The following EIF2B3 variants were observed in gnomAD, a reference collection of about 807,000 sequenced individuals.
EIF2B3 encodes eukaryotic translation initiation factor 2B subunit gamma, also known as translation initiation factor eIF2B subunit gamma.
In EIF2B3, 20 loss-of-function variants were observed where a neutral mutation model predicts 54.1. The observed-to-expected ratio is 0.37, with a 90% CI of 0.26 to 0.54. EIF2B3 has a LOEUF of 0.54. Among genes scored for constraint, EIF2B3 ranks in the 20% least tolerant of loss-of-function variants. EIF2B3 has a pLI of 0.86. For synonymous variants in EIF2B3, 153 were observed against 188.1 expected, an observed-to-expected ratio of 0.81 and a Z score of 1.52; for missense variants, 448 against 547.8, an observed-to-expected ratio of 0.82 and a Z score of 1.82.
chr1:44,863,326 T>C (rs527365438), intron 10 of EIF2B3, among the ~76,000 whole-genome samples: 1 of 152,334 alleles, frequency 6.6e-6, no homozygotes, highest in African/African-American at 2.4e-5. Flanking sequence ...CCTTCTAAGC[T>C]GGTCCAAGTA....
At chr1:44,859,642 GAGCAAAACTC>G (rs1654547131) in intron 10 of EIF2B3, among the ~76,000 whole-genome samples, 1 of 151,698 alleles carries the variant, frequency 6.6e-6, no homozygotes, top group Non-Finnish European at 1.5e-5. Flanking sequence ...TGGGCGACAA[GAGCAAAACTC>G]TATCTCCAAA....
At chr1:44,900,813 A>G (rs1427002998) in intron 5 of EIF2B3, among the ~76,000 whole-genome samples, 1 of 152,112 alleles carries the variant, frequency 6.6e-6, no homozygotes, top group Admixed American at 6.6e-5. Flanking sequence ...GCATTTCCCT[A>G]TGACATGATG....
At chr1:44,956,392 C>T (rs1315852651) in intron 3 of EIF2B3, among the ~76,000 whole-genome samples, 1 of 151,880 alleles carries the variant, frequency 6.6e-6, no homozygotes, top group Non-Finnish European at 1.5e-5. Context: ...AGAGGGATAG[C>T]ATTAGGAGAA....
chr1:44,897,122 C>T (rs1182281484), intron 6 of EIF2B3, among the ~76,000 whole-genome samples: 3 of 152,166 alleles, frequency 2.0e-5, no homozygotes, highest in African/African-American at 7.2e-5. Flanking sequence ...AAATATTTTG[C>T]TGATTTATTA....
chr1:44,986,133 CTTTTCTTTTTTT>C (rs1557719497), intron 1 of EIF2B3, among the ~76,000 whole-genome samples: 1 of 93,536 alleles, frequency 1.1e-5, no homozygotes, highest in Non-Finnish European at 2.5e-5. Flanking sequence ...TCTTTCTTTT[CTTTTCTTTTTTT>C]TTTTTTTTTT....
At chr1:44,866,486 T>G (rs1344921730) in intron 10 of EIF2B3, among the ~76,000 whole-genome samples, 1 of 151,494 alleles carries the variant, frequency 6.6e-6, no homozygotes, top group Non-Finnish European at 1.5e-5. Context: ...CACAGTACCA[T>G]GTGAGCATGA....
chr1:44,876,961 G>A (rs1655182614), intron 8 of EIF2B3, among the ~76,000 whole-genome samples: 1 of 146,486 alleles, frequency 6.8e-6, no homozygotes, highest in South Asian at 2.2e-4. Context: ...TAAGGGCGGT[G>A]CAAGATGTGC....
intron 3 of EIF2B3, among the ~76,000 whole-genome samples, chr1:44,970,938 G>A (rs1206446048): frequency 6.6e-6 from 1 of 152,172 alleles, no homozygotes; most frequent in East Asian, 1.9e-4. Context: ...TCACAGCTTG[G>A]AAGATGGCTC....
chr1:44,933,125 A>C (rs1373062581), intron 4 of EIF2B3, among the ~76,000 whole-genome samples: 2 of 152,156 alleles, frequency 1.3e-5, no homozygotes, highest in Non-Finnish European at 2.9e-5. Flanking sequence ...AAATTCACAC[A>C]ATTGGAGCTT....
intron 10 of EIF2B3, among the ~76,000 whole-genome samples, chr1:44,862,224 T>C (rs1310446992): frequency 6.6e-6 from 1 of 152,256 alleles, no homozygotes; most frequent in African/African-American, 2.4e-5. Context: ...AGCACTCCGC[T>C]GTGCTAATGT....
chr1:44,876,184 GC>G (rs985639013), intron 8 of EIF2B3, among the ~76,000 whole-genome samples: 5 of 152,036 alleles, frequency 3.3e-5, no homozygotes, highest in African/African-American at 1.2e-4. Flanking sequence ...TGAGATTGCA[GC>G]CTCTGCCCGG....
intron 3 of EIF2B3, among the ~76,000 whole-genome samples, chr1:44,967,078 T>C (rs898493707): frequency 6.6e-6 from 1 of 151,194 alleles, no homozygotes; most frequent in Non-Finnish European, 1.5e-5. Context: ...CCTCCCAAGG[T>C]GCTGGGATTA....
At chr1:44,924,141 C>T (rs980714326) in intron 5 of EIF2B3, among the ~76,000 whole-genome samples, 3 of 151,878 alleles carry the variant, frequency 2.0e-5, no homozygotes, top group Non-Finnish European at 4.4e-5. Flanking sequence ...AGGGTTTCAC[C>T]GTGTTAGCCA....
chr1:44,957,598 T>C (rs1475931052), intron 3 of EIF2B3, among the ~76,000 whole-genome samples: 3 of 151,736 alleles, frequency 2.0e-5, no homozygotes, highest in African/African-American at 7.3e-5. Context: ...TGGTCTCTAC[T>C]AAAAATACAA....
intron 5 of EIF2B3, among the ~76,000 whole-genome samples, chr1:44,905,423 AGT>A (rs1256549089): frequency 2.0e-5 from 3 of 152,192 alleles, no homozygotes; most frequent in Non-Finnish European, 4.4e-5. Flanking sequence ...GCTGACTGAT[AGT>A]GATTTCAGGC....
intron 3 of EIF2B3, among the ~76,000 whole-genome samples, chr1:44,948,335 T>A (rs190867168): frequency 6.6e-6 from 1 of 152,306 alleles, no homozygotes; most frequent in Non-Finnish European, 1.5e-5. Context: ...TCTCCTGCCC[T>A]GTCCCCTACT....
intron 3 of EIF2B3, among the ~76,000 whole-genome samples, chr1:44,946,091 T>C (rs960468159): frequency 3.9e-5 from 6 of 152,220 alleles, no homozygotes; most frequent in African/African-American, 1.4e-4. Flanking sequence ...TTTCTCTCTT[T>C]GCGTTTTGAT....
intron 1 of EIF2B3, among the ~76,000 whole-genome samples, chr1:44,983,097 T>G (rs533183126): frequency 6.6e-6 from 1 of 151,830 alleles, no homozygotes; most frequent in East Asian, 1.9e-4. Context: ...AATTAATTTT[T>G]TATAGAGATG....
Position 44,879,962 on chromosome 1 carries a change from G to A in EIF2B3, c.831C>T (p.Pro277=), listed in dbSNP as rs1459864894. The A allele has an allele frequency of 6.2e-7, 1 of 1,614,188 alleles. No homozygotes were observed. The highest frequency in any genetic ancestry group is 8.5e-7 in the Non-Finnish European group (1 of 1,180,034). The part of the protein sequence containing the change: ...IKEANTLNLA[P]YDACWNACRG... ...GACAGGCATTCCAGCAGGCATCATA[G>A]GGAGCCAGGTTCAGTGTATTGGCTT... The change falls in exon 8 of 12, where the codon CCC becomes CCT. Residue 277 remains proline, a synonymous_variant. Coordinates refer to ENST00000360403, the MANE Select transcript of EIF2B3 (RefSeq NM_020365.5).
Sources: allele counts gnomAD v4.1 joint callset (sites outside exome capture counted in the v4.1 genomes callset), GRCh38; gene constraint gnomAD v4.1.1; transcripts MANE v1.5; gene names NCBI Gene and HGNC (gene_info 2026-07-23, HGNC 2026-07-21).